The following APPBP2 variants were observed in gnomAD, a reference collection of about 807,000 sequenced individuals.
APPBP2 encodes amyloid beta precursor protein binding protein 2.
In APPBP2, 15 loss-of-function variants were observed where a neutral mutation model predicts 76.0. That is an observed-to-expected ratio of 0.20 (90% CI 0.13 to 0.30). The LOEUF is 0.30. Ranked by LOEUF, APPBP2 falls within the 10% of genes least tolerant of loss-of-function variation. The probability of loss-of-function intolerance (pLI) is 1.00; values close to 1 mark genes in which losing one functional copy is unlikely to be tolerated. For synonymous variants in APPBP2, 222 were observed against 242.2 expected (o/e 0.92, Z 0.77); for missense variants, 401 against 687.2 (o/e 0.58, Z 4.66).
intron 12 of APPBP2, among the ~76,000 whole-genome samples, chr17:60,449,180 C>G (rs1402967346): frequency 6.6e-6 from 1 of 152,162 alleles, no homozygotes; most frequent in Non-Finnish European, 1.5e-5. Flanking sequence ...GGGTTAGCAA[C>G]TCTTAAACTA....
At chr17:60,524,906 T>C (rs906995203) in intron 1 of APPBP2, among the ~76,000 whole-genome samples, 1 of 152,192 alleles carries the variant, frequency 6.6e-6, no homozygotes, top group Non-Finnish European at 1.5e-5. Flanking sequence ...CACATTCAAA[T>C]GTGGGGGAGA....
At chr17:60,455,744 CAA>C (rs1161626263) in intron 10 of APPBP2, among the ~76,000 whole-genome samples, 3 of 151,922 alleles carry the variant, frequency 2.0e-5, no homozygotes, top group Non-Finnish European at 4.4e-5. Context: ...GAGTGAATGA[CAA>C]AAGGGAGAGA....
chr17:60,497,083 T>C (rs535207938), intron 2 of APPBP2, among the ~76,000 whole-genome samples: 1 of 152,288 alleles, frequency 6.6e-6, no homozygotes, highest in East Asian at 1.9e-4. Context: ...GGAAGGGACC[T>C]TGTGGATCCT....
chr17:60,449,821 G>A (rs765655340), intron 12 of APPBP2, among the ~76,000 whole-genome samples: 2 of 151,416 alleles, frequency 1.3e-5, no homozygotes, highest in South Asian at 4.2e-4. Context: ...TTTTGGAGAC[G>A]TAGTCTTGCT....
intron 1 of APPBP2, among the ~76,000 whole-genome samples, chr17:60,515,344 G>GA (rs2090954285): frequency 6.6e-6 from 1 of 151,882 alleles, no homozygotes; most frequent in South Asian, 2.1e-4. Context: ...TCAAACTCCT[G>GA]AACTCAGGCG....
chr17:60,511,341 C>T (rs2090911059), intron 1 of APPBP2, among the ~76,000 whole-genome samples: 1 of 152,098 alleles, frequency 6.6e-6, no homozygotes, highest in African/African-American at 2.4e-5. Flanking sequence ...AATCCCAGCA[C>T]TCTGGGAAGC....
chr17:60,449,857 T>A (rs1457440224), intron 12 of APPBP2, among the ~76,000 whole-genome samples: 2 of 152,028 alleles, frequency 1.3e-5, no homozygotes, highest in Non-Finnish European at 2.9e-5. Flanking sequence ...GAGTGCACAG[T>A]GCAATCTCGG....
chr17:60,469,414 A>ATTTT (rs142290033), intron 4 of APPBP2, among the ~76,000 whole-genome samples: 24 of 151,060 alleles, frequency 1.6e-4, no homozygotes, highest in Middle Eastern at 3.4e-3. Flanking sequence ...GGGTTTAATA[A>ATTTT]TTTTTTTTTA....
At position 60,445,350 on chromosome 17, in the gene APPBP2, G is replaced by A. The variant is rs1220386103; in HGVS notation, c.*2231C>T. The A allele has an allele frequency of 6.6e-6, 1 of 152,484 alleles. No individual in the cohort carries two copies. The highest frequency in any genetic ancestry group is 2.4e-5 in the African/African-American group (1 of 41,402). The allele number at this position is 152,484 out of a possible 1,614,324, so 9.4% of individuals were successfully genotyped here. A position where few individuals can be genotyped will look rare whatever the true frequency, so the allele number is the denominator to read the frequency against. ...TATCACTGAGTGTGAGCTAAGTTGAGTTCAAATGGAGTTAGGGAGGATGAG... is the reference window on the plus strand; with the variant it reads ...TATCACTGAGTGTGAGCTAAGTTGAATTCAAATGGAGTTAGGGAGGATGAG... On this transcript the variant is annotated 3_prime_UTR_variant, in exon 13 of 13. Coordinates refer to ENST00000083182, the MANE Select transcript of APPBP2 (RefSeq NM_006380.5).
At chr17:60,455,384 T>C (rs942743137) in intron 10 of APPBP2, among the ~76,000 whole-genome samples, 1 of 152,182 alleles carries the variant, frequency 6.6e-6, no homozygotes, top group Non-Finnish European at 1.5e-5. Flanking sequence ...GTATTACTTG[T>C]GCAACTTAAA....
chr17:60,480,805 C>A (rs2090622750), intron 3 of APPBP2, among the ~76,000 whole-genome samples: 2 of 152,134 alleles, frequency 1.3e-5, no homozygotes, highest in South Asian at 4.2e-4. Context: ...CTAGCTGGCT[C>A]CGTTTGGCTC....
At chr17:60,505,740 G>A (rs1161342846) in intron 1 of APPBP2, among the ~76,000 whole-genome samples, 1 of 125,090 alleles carries the variant, frequency 8.0e-6, no homozygotes, top group East Asian at 2.6e-4. Context: ...AGGCTAGAGT[G>A]TAGTGGTGCC....
At chr17:60,521,933 G>A (rs1427429155) in intron 1 of APPBP2, among the ~76,000 whole-genome samples, 3 of 152,052 alleles carry the variant, frequency 2.0e-5, no homozygotes, top group African/African-American at 4.8e-5. Context: ...AACTGCCTAC[G>A]GTACTCAGTA....
chr17:60,518,958 T>C (rs1265854113), intron 1 of APPBP2, among the ~76,000 whole-genome samples: 1 of 152,176 alleles, frequency 6.6e-6, no homozygotes, highest in African/African-American at 2.4e-5. Flanking sequence ...ATTTTTACAT[T>C]ACCTTTTTCC....
At chr17:60,504,296 T>C (rs2090848591) in intron 1 of APPBP2, among the ~76,000 whole-genome samples, 1 of 151,992 alleles carries the variant, frequency 6.6e-6, no homozygotes, top group South Asian at 2.1e-4. Context: ...GATAATAAAA[T>C]ACAATTAAAA....
chr17:60,462,107 T>C (rs976876312), intron 6 of APPBP2, 46 bp from the exon 7 acceptor site: 2 of 1,420,540 alleles, frequency 1.4e-6, no homozygotes, highest in Non-Finnish European at 2.0e-6. Flanking sequence ...AGTTCATTAG[T>C]GTGCTAAAAT....
intron 1 of APPBP2, among the ~76,000 whole-genome samples, chr17:60,522,229 TC>T (rs1349517027): frequency 1.3e-5 from 2 of 152,198 alleles, no homozygotes; most frequent in South Asian, 2.1e-4. Flanking sequence ...TGTTTAGACT[TC>T]CTGTATAAAA....
At position 60,500,453 on chromosome 17, in the gene APPBP2, C is replaced by G. The variant is rs1457538464; in HGVS notation, c.173G>C (p.Ser58Thr). Residue 58 changes from serine to threonine, a missense_variant, in exon 2 of 13, where the codon AGT (serine) becomes ACT (threonine). Coordinates refer to ENST00000083182, the MANE Select transcript of APPBP2 (RefSeq NM_006380.5). ...AAAAACTTCCAATTCACAAAATTCA[C>G]TGCCCAGTTGACATAAGCGTCCCTG... Reference protein sequence around the residue: ...YQQGRLCQLGSEFCELEVFAK... With the variant: ...YQQGRLCQLGTEFCELEVFAK... The G allele has an allele frequency of 6.2e-7, 1 of 1,611,150 alleles. No individual in the cohort carries two copies.
At chr17:60,460,998 TTAATAATAA>T in intron 8 of APPBP2, 1 of 282,512 alleles carries the variant, frequency 3.5e-6, no homozygotes, top group Non-Finnish European at 6.6e-6. Context: ...AGGCCACGGC[TTAATAATAA>T]TAATAATAAT....
Sources: gnomAD v4.1 joint callset for allele counts (sites outside exome capture counted in the v4.1 genomes callset) on GRCh38, gnomAD v4.1.1 for gene constraint, MANE v1.5 for transcripts, NCBI Gene and HGNC (gene_info 2026-07-23, HGNC 2026-07-21) for gene names.